RAPGEF1: variants seen among roughly 807,000 people sequenced by gnomAD.
RAPGEF1 encodes CRK SH3-binding GNRP.
In RAPGEF1, 33 loss-of-function variants were observed where a neutral mutation model predicts 143.3. The ratio of observed to expected loss-of-function variants is 0.23; its 90% CI spans 0.17 to 0.31. RAPGEF1 has a LOEUF of 0.31. Among genes scored for constraint, RAPGEF1 ranks in the 10% least tolerant of loss-of-function variants. The pLI is 1.00. For missense variants in RAPGEF1, 1,199 were observed against 1,645.4 expected (o/e 0.73, Z 4.69); for synonymous variants, 629 against 676.5 (o/e 0.93, Z 1.09).
intron 1 of RAPGEF1, among the ~76,000 whole-genome samples, chr9:131,721,462 G>C (rs761138807): frequency 6.6e-6 from 1 of 152,182 alleles, no homozygotes; most frequent in Non-Finnish European, 1.5e-5. Context: ...TTCAGTCTAA[G>C]GCGAAGTCTC....
intron 1 of RAPGEF1, among the ~76,000 whole-genome samples, chr9:131,731,367 T>C (rs1380426275): frequency 6.6e-6 from 1 of 152,220 alleles, no homozygotes; most frequent in Non-Finnish European, 1.5e-5. Flanking sequence ...CATCTATTTA[T>C]TCAGAACCAT....
In RAPGEF1 at chr9:131,643,432, T is replaced by C; in HGVS notation, c.316-15A>G. On this transcript the variant is annotated splice_polypyrimidine_tract_variant and intron_variant, in intron 3 of 26. Transcript: ENST00000683357. The stretch of plus-strand genomic sequence containing the variant: ...CAGCTCAGGTTCTGAAAGGAGACGT[T>C]AGGCATAAGGAGGAGGAGAGAGATT... 6.2e-7 allele frequency: 1 copy of C among 1,609,064 alleles called. No homozygotes were observed. The highest frequency in any genetic ancestry group is 8.5e-7 in the Non-Finnish European group (1 of 1,177,582).
chr9:131,624,175 T>C (rs1175489260), intron 10 of RAPGEF1, among the ~76,000 whole-genome samples: 1 of 152,196 alleles, frequency 6.6e-6, no homozygotes, highest in African/African-American at 2.4e-5. Context: ...TGTGCCCCAC[T>C]TGCTTGTTGA....
intron 1 of RAPGEF1, among the ~76,000 whole-genome samples, chr9:131,727,276 G>A (rs890738051): frequency 3.3e-5 from 5 of 152,074 alleles, no homozygotes; most frequent in Non-Finnish European, 5.9e-5. Flanking sequence ...GGGTATTTGC[G>A]AATTCTCACT....
At chr9:131,625,279 G>A (rs1962610773) in intron 10 of RAPGEF1, among the ~76,000 whole-genome samples, 1 of 152,222 alleles carries the variant, frequency 6.6e-6, no homozygotes, top group South Asian at 2.1e-4. Context: ...AGTTAGGGGA[G>A]CTAGGAGAAA....
At position 131,626,082 on chromosome 9, in the gene RAPGEF1, G is replaced by C; in HGVS notation, c.1542C>G (p.Ala514=). 6.2e-7 allele frequency: 1 copy of C among 1,613,956 alleles called. No individual in the cohort carries two copies. Among genetic ancestry groups the C allele is most frequent in the African/African-American group, 1.3e-5 (1 of 75,028 alleles). Reference sequence around the variant, plus strand: ...GCGCGTAGGGGACGGATGGGATCGGGGCTGTGCTCTGCAGGTCCTCCCCAG... The same window carrying C: ...GCGCGTAGGGGACGGATGGGATCGGCGCTGTGCTCTGCAGGTCCTCCCCAG... ...NISGEDLQST[A]PIPSVPYAPF... The change falls in exon 10 of 27, where the codon GCC becomes GCG. Residue 514 remains alanine (A), a synonymous_variant. Coordinates refer to ENST00000683357, the MANE Select transcript of RAPGEF1 (RefSeq NM_001377935.1).
At chr9:131,681,482 C>T (rs1832904429) in intron 1 of RAPGEF1, among the ~76,000 whole-genome samples, 1 of 152,178 alleles carries the variant, frequency 6.6e-6, no homozygotes, top group African/African-American at 2.4e-5. Context: ...AGCTATAAAT[C>T]AGTATGGACC....
rs548650125 is a variant in RAPGEF1 at position 131,586,618 on chromosome 9, A to T, written c.3233+1118T>A. Among the ~76,000 whole-genome samples the T allele has an allele frequency of 4.8e-5, 6 of 125,156 alleles. No homozygotes were observed. The South Asian group carries it at 1.1e-3, about 23-fold the overall frequency. 82.1% of individuals were successfully genotyped at this position (125,156 alleles called of 152,430 possible). A position where few individuals can be genotyped will look rare whatever the true frequency, so the allele number is the denominator to read the frequency against. On this transcript the variant is annotated intron_variant, in intron 22 of 26. Transcript: ENST00000683357. ...GCGAGACTCCGTCTCAAACACACAC[A>T]CACACACACACCTGCAGAGACTCCG...
chr9:131,619,295 G>C, intron 11 of RAPGEF1, 89 bp from the exon 12 acceptor site: 2 of 1,133,864 alleles, frequency 1.8e-6, no homozygotes, highest in Non-Finnish European at 2.4e-6. Flanking sequence ...GGCCGTGGAG[G>C]TTGCTCTCCA....
In RAPGEF1 at chr9:131,609,287, T is replaced by C. The variant is rs577506879; in HGVS notation, c.2062-4099A>G. ...TAACGTACACACAGTGCCTTACTGT[T>C]CTTATTACTGATGAAAATACTGAGG... On this transcript the variant is annotated intron_variant, in intron 12 of 26. Transcript: ENST00000683357. Among the ~76,000 whole-genome samples, 3 of 152,310 alleles carry C rather than the reference T, an allele frequency of 2.0e-5. No homozygotes were observed. In the South Asian group the frequency reaches 6.2e-4, roughly 32 times the overall value.
At chr9:131,640,584 C>T (rs559452878) in intron 4 of RAPGEF1, among the ~76,000 whole-genome samples, 6 of 148,040 alleles carry the variant, frequency 4.1e-5, no homozygotes, top group African/African-American at 1.4e-4. Flanking sequence ...CAAAGCCCTC[C>T]GCATGTGACG....
intron 1 of RAPGEF1, among the ~76,000 whole-genome samples, chr9:131,657,576 G>A (rs945139412): frequency 1.4e-4 from 21 of 151,794 alleles, no homozygotes; most frequent in East Asian, 9.6e-4. Flanking sequence ...CTTCTGCAGC[G>A]ATGGAGGCGG....
intron 1 of RAPGEF1, 137 bp from the exon 2 acceptor site, chr9:131,651,086 T>C: frequency 1.8e-6 from 2 of 1,109,996 alleles, no homozygotes; most frequent in Non-Finnish European, 2.5e-6. Flanking sequence ...AAAGGACGTA[T>C]GGATCCATTA....
intron 1 of RAPGEF1, among the ~76,000 whole-genome samples, chr9:131,722,420 G>C (rs1182895761): frequency 6.6e-6 from 1 of 152,230 alleles, no homozygotes; most frequent in Non-Finnish European, 1.5e-5. Context: ...TCAACTCAGA[G>C]AGAGTAAGTG....
intron 11 of RAPGEF1, among the ~76,000 whole-genome samples, chr9:131,620,851 C>G (rs1399370002): frequency 6.6e-6 from 1 of 152,194 alleles, no homozygotes; most frequent in Non-Finnish European, 1.5e-5. Flanking sequence ...AATCAGATGG[C>G]CCCTCATGTC....
At chr9:131,700,258 A>G (rs531168777) in intron 1 of RAPGEF1, among the ~76,000 whole-genome samples, 158 of 152,310 alleles carry the variant, frequency 1.0e-3, no homozygotes, top group Non-Finnish European at 1.9e-3. Context: ...TTCCCAGGTC[A>G]GGGCCTCTGC....
chr9:131,588,773 G>C (rs1588220048), intron 20 of RAPGEF1, 28 bp downstream of exon 20: 1 of 1,591,242 alleles, frequency 6.3e-7, no homozygotes, highest in African/African-American at 1.3e-5. Context: ...CTGGGGAAGA[G>C]GCAGGGCTGG....
At chr9:131,720,087 T>C (rs925837701) in intron 1 of RAPGEF1, among the ~76,000 whole-genome samples, 1 of 152,126 alleles carries the variant, frequency 6.6e-6, no homozygotes, top group Non-Finnish European at 1.5e-5. Context: ...GGTTTCATCA[T>C]GTTGGCCAGG....
At chr9:131,640,979 G>T (rs1178538377) in intron 4 of RAPGEF1, among the ~76,000 whole-genome samples, 1 of 151,984 alleles carries the variant, frequency 6.6e-6, no homozygotes, top group East Asian at 1.9e-4. Context: ...ATATTTCATG[G>T]GTCCTTACAG....
Sources: allele counts gnomAD v4.1 joint callset (sites outside exome capture counted in the v4.1 genomes callset), GRCh38; gene constraint gnomAD v4.1.1; transcripts MANE v1.5; gene names NCBI Gene and HGNC (gene_info 2026-07-23, HGNC 2026-07-21).